LRRC4C: variants seen among roughly 807,000 people sequenced by gnomAD.
LRRC4C encodes the protein leucine-rich repeat-containing protein 4C.
LRRC4C carries 5 observed loss-of-function variants against 33.6 expected under a neutral mutation model. That is an observed-to-expected ratio of 0.15 (90% confidence interval 0.08 to 0.31). The LOEUF is 0.31. LRRC4C is among the 10% of genes least tolerant of loss of function. The pLI is 1.00. For missense variants in LRRC4C, 560 were observed against 796.7 expected (o/e 0.70, Z 3.58); for synonymous variants, 329 against 302.0 (o/e 1.09, Z -0.93).
rs1164749086 is a variant in LRRC4C, at chr11:41,443,763, C to A, written c.-496+15668G>T. ...CCTGAGTAGCTGGGATTACAGGTGC[C>A]CACCACCACACCTAGCTATTTTTTT... is the stretch of plus-strand genomic sequence containing the variant. On this transcript the variant is annotated intron_variant, in intron 1 of 6. Coordinates refer to ENST00000528697, the MANE Select transcript of LRRC4C (RefSeq NM_001258419.2). 3.3e-5 allele frequency among the ~76,000 whole-genome samples: 5 copies of A among 151,054 alleles called. No homozygotes were observed. In the East Asian group the frequency reaches 9.8e-4, roughly 30 times the overall value.
At chr11:41,226,776 A>ACACACACC (rs1224365308) in intron 1 of LRRC4C, among the ~76,000 whole-genome samples, 3 of 149,424 alleles carry the variant, frequency 2.0e-5, no homozygotes, top group South Asian at 2.1e-4. Context: ...ACACACACAC[A>ACACACACC]CCCTTCTCTC....
chr11:40,911,437 G>A (rs112279531), intron 2 of LRRC4C, among the ~76,000 whole-genome samples: 17 of 152,294 alleles, frequency 1.1e-4, no homozygotes, highest in African/African-American at 3.4e-4. Flanking sequence ...GGCAAATGGG[G>A]TCTGGAGTGG....
At chr11:40,421,699 G>T (rs1043450513) in intron 3 of LRRC4C, among the ~76,000 whole-genome samples, 1 of 152,076 alleles carries the variant, frequency 6.6e-6, no homozygotes, top group African/African-American at 2.4e-5. Flanking sequence ...TTAAACACAA[G>T]GTCAGATAAA....
intron 3 of LRRC4C, among the ~76,000 whole-genome samples, chr11:40,416,095 C>G: frequency 6.6e-6 from 1 of 152,148 alleles, no homozygotes; most frequent in East Asian, 1.9e-4. Flanking sequence ...AACAAACCCA[C>G]CATGACAGGC....
chr11:41,147,014 G>A (rs956044983), intron 1 of LRRC4C, among the ~76,000 whole-genome samples: 1 of 152,192 alleles, frequency 6.6e-6, no homozygotes, highest in Non-Finnish European at 1.5e-5. Context: ...GATCATGAAT[G>A]ATTCCAGTTT....
chr11:41,437,858 T>A (rs1955484393), intron 1 of LRRC4C, among the ~76,000 whole-genome samples: 1 of 151,984 alleles, frequency 6.6e-6, no homozygotes, highest in Non-Finnish European at 1.5e-5. Context: ...GCTAACATGG[T>A]GAAACCCCGT....
At chr11:41,400,733 C>T (rs917353015) in intron 1 of LRRC4C, among the ~76,000 whole-genome samples, 3 of 151,822 alleles carry the variant, frequency 2.0e-5, no homozygotes, top group African/African-American at 7.3e-5. Context: ...AATGAAACTG[C>T]CATCACTAGT....
rs534884412 is a variant in LRRC4C, at chr11:41,108,441, T to C, written c.-495-174718A>G. Among the ~76,000 whole-genome samples, 13 of 152,274 alleles carry C rather than the reference T, an allele frequency of 8.5e-5. No homozygotes were observed. In the East Asian group the frequency reaches 2.3e-3, roughly 27 times the overall value. On this transcript the variant is annotated intron_variant, in intron 1 of 6. Transcript: ENST00000528697. ...TAATTCAAATTCTGTCTTTAAGATA[T>C]ATTAACTCACATAAAGGGAGAGAGG...
chr11:40,828,113 G>A (rs1952243823), intron 2 of LRRC4C, among the ~76,000 whole-genome samples: 1 of 149,562 alleles, frequency 6.7e-6, no homozygotes, highest in Non-Finnish European at 1.5e-5. Context: ...TGAACAAAAC[G>A]ATATGTATAC....
At chr11:41,248,793 T>G (rs1948536733) in intron 1 of LRRC4C, among the ~76,000 whole-genome samples, 1 of 152,188 alleles carries the variant, frequency 6.6e-6, no homozygotes, top group South Asian at 2.1e-4. Context: ...TATCTTAAAA[T>G]TAAAGCTTCC....
At chr11:40,738,139 A>G (rs1301837976) in intron 2 of LRRC4C, among the ~76,000 whole-genome samples, 2 of 152,178 alleles carry the variant, frequency 1.3e-5, no homozygotes, top group African/African-American at 4.8e-5. Context: ...CCTATCTAAT[A>G]AATAGTGTTG....
chr11:40,876,526 A>G (rs1416061017), intron 2 of LRRC4C, among the ~76,000 whole-genome samples: 3 of 152,080 alleles, frequency 2.0e-5, no homozygotes, highest in African/African-American at 7.2e-5. Flanking sequence ...TTTGTTGAGC[A>G]GGTTGAATAT....
At chr11:40,536,407 T>A (rs561019849) in intron 3 of LRRC4C, among the ~76,000 whole-genome samples, 1 of 152,166 alleles carries the variant, frequency 6.6e-6, no homozygotes, top group Non-Finnish European at 1.5e-5. Context: ...TTGGCCAGGA[T>A]GGTCTAAATC....
chr11:40,889,286 T>C lies in LRRC4C; in HGVS notation c.-407+44349A>G, dbSNP rs554080955. Among the ~76,000 whole-genome samples, 14 of 152,218 alleles carry C rather than the reference T, an allele frequency of 9.2e-5. 1 individual carries two copies. The highest frequency in any genetic ancestry group is 8.5e-4 in the Admixed American group (13 of 15,284). On this transcript the variant is annotated intron_variant, in intron 2 of 6. Coordinates refer to ENST00000528697, the MANE Select transcript of LRRC4C (RefSeq NM_001258419.2). Reference sequence around the variant, plus strand: ...GGAAAGATGCTCATAATATACTGTTTAATGTGAATTAAAGATTGAAAAACA... The same window carrying C: ...GGAAAGATGCTCATAATATACTGTTCAATGTGAATTAAAGATTGAAAAACA...
At chr11:40,453,460 G>A (rs1391637726) in intron 3 of LRRC4C, among the ~76,000 whole-genome samples, 1 of 151,998 alleles carries the variant, frequency 6.6e-6, no homozygotes, top group Non-Finnish European at 1.5e-5. Flanking sequence ...AATTCTATCA[G>A]ATATTGAAAG....
intron 1 of LRRC4C, among the ~76,000 whole-genome samples, chr11:41,375,774 C>T (rs550118596): frequency 1.8e-4 from 28 of 152,134 alleles, no homozygotes; most frequent in African/African-American, 6.5e-4. Flanking sequence ...TCTATAGTAT[C>T]TTGAAGAATG....
chr11:41,026,121 G>T (rs1856333135), intron 1 of LRRC4C, among the ~76,000 whole-genome samples: 1 of 151,646 alleles, frequency 6.6e-6, no homozygotes, highest in Non-Finnish European at 1.5e-5. Flanking sequence ...AATACATTTT[G>T]TAAGGCTATA....
intron 2 of LRRC4C, among the ~76,000 whole-genome samples, chr11:40,908,975 C>T (rs1956546700): frequency 6.6e-6 from 1 of 152,048 alleles, no homozygotes; most frequent in Non-Finnish European, 1.5e-5. Context: ...ATAGGCAGAA[C>T]AAAGTGCAGT....
intron 5 of LRRC4C, among the ~76,000 whole-genome samples, chr11:40,225,171 C>A (rs1454562203): frequency 6.6e-6 from 1 of 152,110 alleles, no homozygotes; most frequent in East Asian, 1.9e-4. Context: ...GAGAAACAGA[C>A]ATGAGCTATT....
Sources: allele counts gnomAD v4.1 joint callset (sites outside exome capture counted in the v4.1 genomes callset), GRCh38; gene constraint gnomAD v4.1.1; transcripts MANE v1.5; gene names NCBI Gene and HGNC (gene_info 2026-07-23, HGNC 2026-07-21).